Variants in PIWIL4 observed in about 807,000 individuals in gnomAD.
The protein encoded by PIWIL4 is piwi-like protein 4.
A neutral mutation model predicts 100.9 loss-of-function variants in PIWIL4; 50 were observed. The ratio of observed to expected loss-of-function variants is 0.50; its 90% CI spans 0.39 to 0.63. The LOEUF is 0.63. Among genes scored for constraint, PIWIL4 ranks in the 20% least tolerant of loss-of-function variants. PIWIL4 has a pLI of 0.00. For missense variants in PIWIL4, 887 were observed against 1,043.3 expected (o/e 0.85, Z 2.06); for synonymous variants, 342 against 367.5 (o/e 0.93, Z 0.79).
intron 2 of PIWIL4, among the ~76,000 whole-genome samples, chr11:94,572,400 T>C (rs1364896216): frequency 1.3e-5 from 2 of 152,244 alleles, no homozygotes; most frequent in Non-Finnish European, 2.9e-5. Flanking sequence ...TGGGTTTTCT[T>C]CTAGGGTTTT....
At chr11:94,585,255 A>G (rs1591784155) in intron 5 of PIWIL4, among the ~76,000 whole-genome samples, 190 bp from the exon 6 acceptor site, 1 of 152,236 alleles carries the variant, frequency 6.6e-6, no homozygotes, top group Admixed American at 6.5e-5. Flanking sequence ...AGTATTCTCA[A>G]ATATGAAGAA....
In PIWIL4 at chr11:94,607,500, G is replaced by T. The variant is rs1323924698; in HGVS notation, c.1700G>T (p.Ser567Ile). Residue 567 changes from serine to isoleucine, a missense_variant, in exon 14 of 20, where the codon AGC (serine) becomes ATC (isoleucine). Transcript: ENST00000299001. ...TATGATTCCATTAAAAAATATTTGA[G>T]CTCAGACTGCCCAGTCCCAAGCCAA... is the stretch of plus-strand genomic sequence containing the variant. ...TYYDSIKKYLSSDCPVPSQCV... is the reference protein window; with the variant it reads ...TYYDSIKKYLISDCPVPSQCV... The T allele has an allele frequency of 2.5e-6, 4 of 1,613,856 alleles. No individual in the cohort carries two copies. In the Admixed American group the frequency reaches 6.7e-5, roughly 27 times the overall value.
At chr11:94,573,406 T>C (rs986421730) in intron 2 of PIWIL4, among the ~76,000 whole-genome samples, 3 of 152,260 alleles carry the variant, frequency 2.0e-5, no homozygotes, top group African/African-American at 7.2e-5. Flanking sequence ...GCCCCTTCAG[T>C]ATGATATTGG....
rs866540379 is a variant in PIWIL4, at chr11:94,580,132, A to G, written c.513+2640A>G. Reference sequence around the variant, plus strand: ...GGGGACAAGTGAGAAAATAGACCATAAAAACATGGTGTGACAAATCAGGCC... The same window carrying G: ...GGGGACAAGTGAGAAAATAGACCATGAAAACATGGTGTGACAAATCAGGCC... On this transcript the variant is annotated intron_variant, in intron 4 of 19. Transcript: ENST00000299001. 2.4e-4 allele frequency among the ~76,000 whole-genome samples: 37 copies of G among 152,358 alleles called. No individual in the cohort carries two copies. The Middle Eastern group carries it at 0.01, about 42-fold the overall frequency.
chr11:94,577,493 G>C lies in PIWIL4; in HGVS notation c.513+1G>C. 6.2e-7 allele frequency: 1 copy of C among 1,608,500 alleles called. No homozygotes were observed. Among genetic ancestry groups the C allele is most frequent in the Non-Finnish European group, 8.5e-7 (1 of 1,176,748 alleles). ...TCTGTCACAAAAGCTAGAAGAAAAG[G>C]TATAGTATGATTAGTTTTTTTACTG... On this transcript the variant is annotated splice_donor_variant, in intron 4 of 19. Transcript: ENST00000299001. LOFTEE classifies it high-confidence loss of function.
At chr11:94,583,385 A>G (rs1254297816) in intron 4 of PIWIL4, 63 bp from the exon 5 acceptor site, 6 of 1,568,292 alleles carry the variant, frequency 3.8e-6, no homozygotes, top group Non-Finnish European at 5.2e-6. Flanking sequence ...TGGCTTTATA[A>G]TCTGCATTCT....
At chr11:94,595,970 A>C (rs903673973) in intron 10 of PIWIL4, among the ~76,000 whole-genome samples, 1 of 152,080 alleles carries the variant, frequency 6.6e-6, no homozygotes, top group Non-Finnish European at 1.5e-5. Flanking sequence ...TGGAAAATTG[A>C]GCTTCTCCTT....
intron 2 of PIWIL4, among the ~76,000 whole-genome samples, chr11:94,574,683 C>A (rs1309793768): frequency 1.3e-5 from 2 of 152,040 alleles, no homozygotes; most frequent in African/African-American, 2.4e-5. Context: ...GGTTTCAACA[C>A]GTTGCCCAGG....
chr11:94,572,477 G>A (rs763265787), intron 2 of PIWIL4, among the ~76,000 whole-genome samples: 7 of 152,186 alleles, frequency 4.6e-5, no homozygotes, highest in African/African-American at 9.7e-5. Context: ...GAGGCGTAGG[G>A]AAGGGATCCA....
chr11:94,580,288 C>T (rs528581372), intron 4 of PIWIL4, among the ~76,000 whole-genome samples: 3 of 152,340 alleles, frequency 2.0e-5, no homozygotes, highest in African/African-American at 7.2e-5. Context: ...GATACTCTCA[C>T]CTTTTTATTC....
At chr11:94,608,855 G>C (rs890828155) in intron 15 of PIWIL4, among the ~76,000 whole-genome samples, 169 bp downstream of exon 15, 4 of 152,136 alleles carry the variant, frequency 2.6e-5, no homozygotes, top group Non-Finnish European at 5.9e-5. Flanking sequence ...GATAATATTG[G>C]GGTACTATGT....
chr11:94,620,917 G>A lies in PIWIL4; in HGVS notation c.2484G>A (p.Lys828=). ...SVPAPCQYAH[K]LTFLVAQSIH... Reference sequence around the variant, plus strand: ...CAGCACCATGTCAGTATGCTCACAAGCTGACCTTTCTGGTGGCACAAAGCA... The same window carrying A: ...CAGCACCATGTCAGTATGCTCACAAACTGACCTTTCTGGTGGCACAAAGCA... The change falls in exon 20 of 20, where the codon AAG becomes AAA. Residue 828 remains lysine (K), a synonymous_variant. Transcript: ENST00000299001. 1 of 1,613,882 alleles carries A rather than the reference G, an allele frequency of 6.2e-7. No individual in the cohort carries two copies. Among genetic ancestry groups the A allele is most frequent in the Non-Finnish European group, 8.5e-7 (1 of 1,179,980 alleles).
intron 13 of PIWIL4, among the ~76,000 whole-genome samples, chr11:94,604,839 GCTAT>G (rs1043081181): frequency 6.6e-6 from 1 of 152,066 alleles, no homozygotes; most frequent in Non-Finnish European, 1.5e-5. Flanking sequence ...CTAGCTAAGT[GCTAT>G]CTCTTTGCTT....
intron 15 of PIWIL4, among the ~76,000 whole-genome samples, chr11:94,609,641 A>T (rs1433657184): frequency 6.6e-6 from 1 of 152,110 alleles, no homozygotes; most frequent in Non-Finnish European, 1.5e-5. Context: ...TTCTTTGTAT[A>T]TCTAAAATTT....
Position 94,608,604 on chromosome 11 carries a change from G to T in PIWIL4, c.1861G>T (p.Gly621Cys). ...ATAGTTAAAGTCCCTGATGGTGGTCGGTATTGATGTCTGTAAAGATGCACT... is the reference window on the plus strand; with the variant it reads ...ATAGTTAAAGTCCCTGATGGTGGTCTGTATTGATGTCTGTAAAGATGCACT... The part of the protein sequence containing the change: ...EIPLKSLMVV[G>C]IDVCKDALSK... The change falls in exon 15 of 20, where the codon GGT becomes TGT. Residue 621 changes from glycine (G) to cysteine (C), a missense_variant. By Grantham distance (159) the Gly-to-Cys change is radical. Transcript: ENST00000299001. 1 of 1,613,876 alleles carries T rather than the reference G, an allele frequency of 6.2e-7. No individual in the cohort carries two copies. The highest frequency in any genetic ancestry group is 2.2e-5 in the East Asian group (1 of 44,866).
chr11:94,609,512 G>A lies in PIWIL4; in HGVS notation c.1943+826G>A, dbSNP rs181731825. ...TATGTATTTTGGATTGTGGGAAACA[G>A]AAAAAGGAACACCATAATAACACCA... is the stretch of plus-strand genomic sequence containing the variant. On this transcript the variant is annotated intron_variant, in intron 15 of 19. Transcript: ENST00000299001. Among the ~76,000 whole-genome samples, 30 of 152,220 alleles carry A rather than the reference G, an allele frequency of 2.0e-4. No individual in the cohort carries two copies. The East Asian group carries it at 5.4e-3, about 27-fold the overall frequency.
At chr11:94,598,050 T>A in intron 11 of PIWIL4, 135 bp downstream of exon 11, 1 of 639,104 alleles carries the variant, frequency 1.6e-6, no homozygotes, top group Non-Finnish European at 2.7e-6. Flanking sequence ...TCCTAAGACT[T>A]CAGATCCCCT....
chr11:94,618,577 G>T (rs982797522), intron 17 of PIWIL4, among the ~76,000 whole-genome samples: 5 of 152,180 alleles, frequency 3.3e-5, no homozygotes, highest in Non-Finnish European at 1.5e-5. Context: ...AAGCTGAGCT[G>T]CAGATGGAAA....
intron 13 of PIWIL4, among the ~76,000 whole-genome samples, chr11:94,604,950 T>C (rs187148596): frequency 2.4e-4 from 36 of 152,350 alleles, no homozygotes; most frequent in Admixed American, 2.3e-3. Context: ...ATCAAACTTA[T>C]AGAAAAGTGA....
Sources: gnomAD v4.1 joint callset for allele counts (sites outside exome capture counted in the v4.1 genomes callset) on GRCh38, gnomAD v4.1.1 for gene constraint, MANE v1.5 for transcripts, NCBI Gene and HGNC (gene_info 2026-07-23, HGNC 2026-07-21) for gene names.